Variants in RARB observed in about 807,000 individuals in gnomAD.
The protein encoded by RARB is retinoic acid receptor beta.
A neutral mutation model predicts 51.9 loss-of-function variants in RARB; 17 were observed. The ratio of observed to expected loss-of-function variants is 0.33; its 90% CI spans 0.22 to 0.49. The LOEUF is 0.49. RARB is among the 20% of genes least tolerant of loss of function. RARB has a pLI of 0.99. For missense variants in RARB, 369 were observed against 550.8 expected (o/e 0.67, Z 3.30); for synonymous variants, 215 against 195.4 (o/e 1.10, Z -0.84).
chr3:25,516,452 A>C (rs6797134), intron 3 of RARB, among the ~76,000 whole-genome samples: 5,857 of 152,202 alleles, frequency 0.038, 357 homozygotes, highest in African/African-American at 0.13. Context: ...GGTGCTTTAT[A>C]TTTTGATTCA....
intron 5 of RARB, among the ~76,000 whole-genome samples, chr3:25,383,909 G>A (rs552524974): frequency 2.1e-5 from 3 of 146,108 alleles, no homozygotes; most frequent in Admixed American, 1.4e-4. Flanking sequence ...CAACCTGGGG[G>A]ACAAGAGTGA....
chr3:25,304,135 G>C (rs996901419), intron 5 of RARB, among the ~76,000 whole-genome samples: 1 of 152,064 alleles, frequency 6.6e-6, no homozygotes, highest in Non-Finnish European at 1.5e-5. Context: ...CAAAACCCAA[G>C]CATCCACACT....
At chr3:25,493,446 T>C (rs527311481) in intron 2 of RARB, among the ~76,000 whole-genome samples, 1 of 152,302 alleles carries the variant, frequency 6.6e-6, no homozygotes, top group East Asian at 1.9e-4. Flanking sequence ...TGGCAGCATT[T>C]ACTACTGGCT....
In RARB at chr3:25,501,178, G is replaced by T. The variant is rs775520102; in HGVS notation, c.307-4G>T. ...AGTTTTTTCATCTTCTTGCTTGCTT[G>T]CAGGGCTTTTTCCGCAGAAGTATTC... On this transcript the variant is annotated splice_region_variant and splice_polypyrimidine_tract_variant and intron_variant, in intron 2 of 7. Transcript: ENST00000330688. The T allele has an allele frequency of 2.5e-6, 4 of 1,569,982 alleles. No individual in the cohort carries two copies. The highest frequency in any genetic ancestry group is 3.4e-6 in the Non-Finnish European group (4 of 1,164,742).
intron 2 of RARB, among the ~76,000 whole-genome samples, chr3:24,966,193 G>A (rs1447968659): frequency 6.6e-6 from 1 of 151,906 alleles, no homozygotes; most frequent in Non-Finnish European, 1.5e-5. Flanking sequence ...ACATTCCAAA[G>A]GAGAGAGTGG....
chr3:24,872,249 T>C (rs1702961695), intron 2 of RARB, among the ~76,000 whole-genome samples: 1 of 152,158 alleles, frequency 6.6e-6, no homozygotes, highest in African/African-American at 2.4e-5. Flanking sequence ...AGCCTCACTG[T>C]CTCAGTGCTA....
chr3:25,085,471 C>G (rs983081372), intron 3 of RARB, among the ~76,000 whole-genome samples: 2 of 152,046 alleles, frequency 1.3e-5, no homozygotes, highest in Non-Finnish European at 2.9e-5. Flanking sequence ...TTGTGTTTTA[C>G]CATTCTCTCA....
chr3:25,340,662 T>A (rs1474767116), intron 5 of RARB, among the ~76,000 whole-genome samples: 1 of 152,196 alleles, frequency 6.6e-6, no homozygotes, highest in East Asian at 1.9e-4. Flanking sequence ...ACTTCAGCAT[T>A]CCTATTCTTG....
intron 5 of RARB, among the ~76,000 whole-genome samples, chr3:25,316,027 G>C (rs1169086196): frequency 6.6e-6 from 1 of 152,090 alleles, no homozygotes; most frequent in African/African-American, 2.4e-5. Context: ...CACTAGACTG[G>C]ACTCTGGTTT....
intron 3 of RARB, among the ~76,000 whole-genome samples, chr3:25,523,059 G>A (rs976788124): frequency 5.9e-5 from 9 of 152,196 alleles, no homozygotes; most frequent in African/African-American, 2.2e-4. Flanking sequence ...CCCACTATGC[G>A]TTGAAAACTG....
At chr3:25,423,602 T>TGTAGAGGC (rs1707915864), upstream of RARB, among the ~76,000 whole-genome samples, 1 of 152,208 alleles carries the variant, frequency 6.6e-6, no homozygotes, top group Admixed American at 6.5e-5. Flanking sequence ...ATTTAATGAA[T>TGTAGAGGC]ACATGTAGAG....
At chr3:25,133,933 CTG>C (rs1699992545) in intron 4 of RARB, among the ~76,000 whole-genome samples, 1 of 140,696 alleles carries the variant, frequency 7.1e-6, no homozygotes, top group Non-Finnish European at 1.5e-5. Context: ...AAAACAAAAA[CTG>C]AGATTTCCTG....
rs147931063 is a variant in RARB, at chr3:25,542,634, G to A, written c.449-27124G>A. On this transcript the variant is annotated intron_variant, in intron 3 of 7. Coordinates refer to ENST00000330688, the MANE Select transcript of RARB (RefSeq NM_000965.5). ...GCCAAAATACAAAATTTTATGTAAC[G>A]AAGCTTTGCAGCTGTGTGTGCAGAT... Among the ~76,000 whole-genome samples the A allele has an allele frequency of 6.2e-4, 94 of 152,306 alleles. No individual in the cohort carries two copies. The East Asian group carries it at 8.1e-3, about 13-fold the overall frequency.
At chr3:25,526,385 G>C (rs1430501853) in intron 3 of RARB, among the ~76,000 whole-genome samples, 1 of 152,158 alleles carries the variant, frequency 6.6e-6, no homozygotes, top group Non-Finnish European at 1.5e-5. Flanking sequence ...AACATTGAGT[G>C]ACATGATCAC....
chr3:24,929,186 T>C (rs1695389872), intron 2 of RARB, among the ~76,000 whole-genome samples: 2 of 152,116 alleles, frequency 1.3e-5, no homozygotes, highest in Admixed American at 1.3e-4. Context: ...GAACGTATTT[T>C]CAAATATTTC....
intron 3 of RARB, among the ~76,000 whole-genome samples, chr3:25,123,275 T>C (rs1201608114): frequency 1.3e-5 from 2 of 152,218 alleles, no homozygotes; most frequent in South Asian, 2.1e-4. Flanking sequence ...TTCATTTCTA[T>C]TGGCGTCAAT....
At chr3:25,196,186 C>A (rs932698040) in intron 5 of RARB, among the ~76,000 whole-genome samples, 2 of 151,986 alleles carry the variant, frequency 1.3e-5, no homozygotes, top group African/African-American at 4.8e-5. Context: ...TCATCATGTA[C>A]ATTAGGTATT....
At chr3:25,581,973 G>T (rs1701195398) in intron 5 of RARB, among the ~76,000 whole-genome samples, 2 of 152,118 alleles carry the variant, frequency 1.3e-5, no homozygotes, top group South Asian at 4.1e-4. Context: ...TCTTCCCAAG[G>T]TCACAGATGG....
At chr3:25,154,234 T>G (rs1223607436) in intron 4 of RARB, among the ~76,000 whole-genome samples, 1 of 152,210 alleles carries the variant, frequency 6.6e-6, no homozygotes, top group African/African-American at 2.4e-5. Flanking sequence ...CCACAGGCAT[T>G]TCAATTAACT....
Sources: gnomAD v4.1 joint callset for allele counts (sites outside exome capture counted in the v4.1 genomes callset) on GRCh38, gnomAD v4.1.1 for gene constraint, MANE v1.5 for transcripts, NCBI Gene and HGNC (gene_info 2026-07-23, HGNC 2026-07-21) for gene names.